ARSG: variants seen among roughly 807,000 people sequenced by gnomAD.
ARSG encodes arylsulfatase G, also known as ASG.
Under a neutral mutation model 50.5 loss-of-function variants are expected in ARSG, and 37 were observed. The ratio of observed to expected loss-of-function variants is 0.73; its 90% CI spans 0.56 to 0.96. The LOEUF (loss-of-function observed/expected upper bound fraction) is 0.96, where lower values mean the gene tolerates loss of function less well. Among genes scored for constraint, ARSG ranks in the 50% least tolerant of loss-of-function variants. ARSG has a pLI of 0.00. For synonymous variants in ARSG, 225 were observed against 254.6 expected, an observed-to-expected ratio of 0.88 and a Z score of 1.11; for missense variants, 629 against 675.3, an observed-to-expected ratio of 0.93 and a Z score of 0.76.
At chr17:68,433,301 A>G in the ARSG span, among the ~76,000 whole-genome samples, 1 of 152,260 alleles carries the variant, frequency 6.6e-6, no homozygotes, top group Non-Finnish European at 1.5e-5. Flanking sequence ...GCTTTTGTGC[A>G]TCATGCCTCC....
chr17:68,437,306 G>C, the ARSG span, among the ~76,000 whole-genome samples: 1 of 152,124 alleles, frequency 6.6e-6, no homozygotes, highest in African/African-American at 2.4e-5. Flanking sequence ...TGTGATCCCA[G>C]CACTTTGGCA....
rs1480842906 is a variant in ARSG, at chr17:68,420,625, A to G, written c.*162A>G. The G allele has an allele frequency of 1.7e-5, 14 of 823,888 alleles. No homozygotes were observed. Among genetic ancestry groups the G allele is most frequent in the Non-Finnish European group, 2.6e-5 (14 of 533,106 alleles). 51.0% of individuals were successfully genotyped at this position (823,888 alleles called of 1,614,324 possible). On this transcript the variant is annotated 3_prime_UTR_variant, in exon 12 of 12. Transcript: ENST00000621439. ...CCCTTCTGTATCCTGTCCCTCCTCC[A>G]CGCCGACCCGAGAGCAGCTGAGCTG...
chr17:68,301,072 C>T (rs1193942670), intron 1 of ARSG, among the ~76,000 whole-genome samples: 1 of 150,796 alleles, frequency 6.6e-6, no homozygotes, highest in Non-Finnish European at 1.5e-5. Context: ...GAGCCGAGAT[C>T]GCACCACTGC....
chr17:68,421,878 T>C, downstream of ARSG: 6 of 1,609,644 alleles, frequency 3.7e-6, no homozygotes, highest in Non-Finnish European at 5.1e-6. Context: ...GGTAGGCAGG[T>C]GCATTATCAA....
chr17:68,434,541 A>C, the ARSG span: 1 of 1,613,606 alleles, frequency 6.2e-7, no homozygotes, highest in Non-Finnish European at 8.5e-7. Context: ...AATGGGTTTG[A>C]CATTGAACAC....
chr17:68,355,504 G>A (rs769748009), intron 5 of ARSG, among the ~76,000 whole-genome samples: 73 of 152,272 alleles, frequency 4.8e-4, no homozygotes, highest in Middle Eastern at 3.4e-3. Context: ...GACTACAGGC[G>A]TGCAGCACCA....
the ARSG span, chr17:68,428,971 A>G: frequency 2.6e-6 from 4 of 1,527,870 alleles, no homozygotes; most frequent in Non-Finnish European, 3.6e-6. Flanking sequence ...CGTGATGACA[A>G]CGAAGATGGG....
At chr17:68,419,819 G>A (rs947809361) in intron 11 of ARSG, among the ~76,000 whole-genome samples, 2 of 150,404 alleles carry the variant, frequency 1.3e-5, no homozygotes, top group South Asian at 2.1e-4. Flanking sequence ...AAAGTTGGGC[G>A]TGGTGGTGCA....
At position 68,307,131 on chromosome 17, in the gene ARSG, T is replaced by C. The variant is rs1011424982; in HGVS notation, c.-363T>C. The C allele has an allele frequency of 4.6e-6, 1 of 218,706 alleles. No homozygotes were observed. The highest frequency in any genetic ancestry group is 9.1e-6 in the Non-Finnish European group (1 of 109,796). The allele number at this position is 218,706 out of a possible 1,614,324, so 13.5% of individuals were successfully genotyped here. A position where few individuals can be genotyped will look rare whatever the true frequency, so the allele number is the denominator to read the frequency against. ...CTCTGAGGCCCTGAATACAGAAGGG[T>C]CACTTTCTTAGTGGCCAAAGAGCAG... On this transcript the variant is annotated 5_prime_UTR_variant, in exon 2 of 12. Transcript: ENST00000621439.
chr17:68,417,810 C>T (rs1473270194), intron 11 of ARSG, among the ~76,000 whole-genome samples: 8 of 122,630 alleles, frequency 6.5e-5, no homozygotes, highest in South Asian at 2.7e-4. Context: ...TGCAGTGGCA[C>T]GATCTCGGCT....
chr17:68,401,988 C>G (rs895196555), intron 11 of ARSG, among the ~76,000 whole-genome samples: 13 of 152,200 alleles, frequency 8.5e-5, no homozygotes, highest in African/African-American at 2.9e-4. Context: ...AATTCAGACT[C>G]TCAATCCCGA....
chr17:68,401,190 CTTTTGTAT>C (rs972156251), intron 10 of ARSG, 162 bp from the exon 11 acceptor site: 1 of 605,482 alleles, frequency 1.7e-6, no homozygotes, highest in Non-Finnish European at 3.0e-6. Flanking sequence ...GCCTGGTTAA[CTTTTGTAT>C]TTTTTTGTAG....
At chr17:68,300,587 T>C (rs1034019830) in intron 1 of ARSG, among the ~76,000 whole-genome samples, 7 of 152,040 alleles carry the variant, frequency 4.6e-5, no homozygotes, top group South Asian at 2.1e-4. Flanking sequence ...TATTCAGAGG[T>C]CCATCTCCTC....
At chr17:68,430,875 G>C in the ARSG span, among the ~76,000 whole-genome samples, 1 of 152,212 alleles carries the variant, frequency 6.6e-6, no homozygotes, top group Non-Finnish European at 1.5e-5. Flanking sequence ...GAGGCTGCTT[G>C]TCTGCAGGAT....
intron 1 of ARSG, among the ~76,000 whole-genome samples, chr17:68,260,416 T>C (rs1445229715): frequency 1.3e-5 from 2 of 152,160 alleles, no homozygotes; most frequent in African/African-American, 4.8e-5. Flanking sequence ...TCAAGTAGAG[T>C]CATCTGGGGT....
chr17:68,392,126 C>T (rs1018770133), intron 9 of ARSG, among the ~76,000 whole-genome samples: 7 of 152,226 alleles, frequency 4.6e-5, no homozygotes, highest in African/African-American at 7.2e-5. Flanking sequence ...TCTGCTGCTG[C>T]GCCCAGCCTC....
intron 4 of ARSG, among the ~76,000 whole-genome samples, chr17:68,350,724 G>T (rs1391143104): frequency 6.6e-6 from 1 of 152,160 alleles, no homozygotes; most frequent in Non-Finnish European, 1.5e-5. Context: ...GGCGGAGCTT[G>T]CATTGAGCCG....
intron 2 of ARSG, among the ~76,000 whole-genome samples, chr17:68,323,735 A>C (rs1214330104): frequency 1.3e-5 from 2 of 152,168 alleles, no homozygotes; most frequent in Admixed American, 6.5e-5. Flanking sequence ...GCAAGAGGAA[A>C]TGGTGGCTCA....
chr17:68,450,807 A>T, the ARSG span: 1 of 1,614,112 alleles, frequency 6.2e-7, no homozygotes, highest in Non-Finnish European at 8.5e-7. Flanking sequence ...GAAGTGATAC[A>T]CGTTCATCTG....
Sources: gnomAD v4.1 joint callset for allele counts (sites outside exome capture counted in the v4.1 genomes callset) on GRCh38, gnomAD v4.1.1 for gene constraint, MANE v1.5 for transcripts, NCBI Gene and HGNC (gene_info 2026-07-23, HGNC 2026-07-21) for gene names.